The following ADGRF5 variants were observed in gnomAD, a reference collection of about 807,000 sequenced individuals.
ADGRF5 encodes the protein G-protein coupled receptor 116.
In ADGRF5, 75 loss-of-function variants were observed where a neutral mutation model predicts 132.3. That is an observed-to-expected ratio of 0.57 (90% CI 0.47 to 0.69). The LOEUF (loss-of-function observed/expected upper bound fraction) is 0.69, where lower values mean the gene tolerates loss of function less well. Among genes scored for constraint, ADGRF5 ranks in the 30% least tolerant of loss-of-function variants. ADGRF5 has a pLI of 0.00. For synonymous variants in ADGRF5, 629 were observed against 597.6 expected (o/e 1.05, Z -0.77); for missense variants, 1,516 against 1,630.6 (o/e 0.93, Z 1.21).
chr6:46,857,031 A>G (rs1581715222), intron 17 of ADGRF5, 123 bp from the exon 18 acceptor site: 1 of 748,874 alleles, frequency 1.3e-6, no homozygotes, highest in East Asian at 2.7e-5. Context: ...AGTTTATGGA[A>G]TGAGTCCAGT....
intron 19 of ADGRF5, among the ~76,000 whole-genome samples, chr6:46,856,431 A>G (rs1769055707): frequency 6.6e-6 from 1 of 152,174 alleles, no homozygotes; most frequent in Non-Finnish European, 1.5e-5. Flanking sequence ...TTTGATTTCA[A>G]CCTTAAGTTT....
At chr6:46,912,857 A>G (rs1330925668) in intron 1 of ADGRF5, among the ~76,000 whole-genome samples, 1 of 152,180 alleles carries the variant, frequency 6.6e-6, no homozygotes, top group African/African-American at 2.4e-5. Context: ...CTGATTAAAA[A>G]AAATGCAAGT....
Position 46,860,752 on chromosome 6 carries a change from G to A in ADGRF5, c.2342C>T (p.Ser781Leu), listed in dbSNP as rs1434461401. Reference protein sequence around the residue: ...GAIINILDLLSTVPTQVNSEM... With the variant: ...GAIINILDLLLTVPTQVNSEM... ...TGAATTTACTTGGGTTGGAACTGTT[G>A]AGAGCAGATCAAGGATGTTAATAAT... The change falls in exon 16 of 21, where the codon TCA (serine) becomes TTA (leucine). Residue 781 changes from serine to leucine, a missense_variant. Around this residue, in one of 2 missense-constraint regions of ADGRF5, gnomAD observed 571 missense variants for 701.2 expected, o/e 0.81. Coordinates refer to ENST00000283296, the MANE Select transcript of ADGRF5 (RefSeq NM_001098518.2). 6.2e-7 allele frequency: 1 copy of A among 1,613,804 alleles called. No homozygotes were observed. Among genetic ancestry groups the A allele is most frequent in the African/African-American group, 1.3e-5 (1 of 74,924 alleles).
At chr6:46,881,922 T>C (rs1772518093) in intron 7 of ADGRF5, 127 bp downstream of exon 7, 1 of 778,456 alleles carries the variant, frequency 1.3e-6, no homozygotes, top group Non-Finnish European at 2.3e-6. Context: ...GGTACTTTTT[T>C]CACCTCTACC....
chr6:46,866,388 A>G (rs1270857714), intron 13 of ADGRF5, among the ~76,000 whole-genome samples: 1 of 152,134 alleles, frequency 6.6e-6, no homozygotes, highest in African/African-American at 2.4e-5. Flanking sequence ...TTGTGTGTTT[A>G]GGGAGCACAG....
chr6:46,887,535 G>A (rs1313744945), intron 4 of ADGRF5, among the ~76,000 whole-genome samples: 1 of 152,168 alleles, frequency 6.6e-6, no homozygotes. Flanking sequence ...CTATGACTTC[G>A]AGTAACATAT....
rs536152673 is a variant in ADGRF5 at position 46,953,647 on chromosome 6, A to ATG, written c.-25+1085_-25+1086dup. On this transcript the variant is annotated intron_variant, in intron 1 of 20. Transcript: ENST00000265417. Reference sequence around the variant, plus strand: ...AAAAAAATTATATATATATAGATATATGTGTATATATATATATATATATAT... The same window carrying ATG: ...AAAAAAATTATATATATATAGATATATGTGTGTATATATATATATATATATAT... Among the ~76,000 whole-genome samples, 188 of 24,314 alleles carry ATG rather than the reference A, an allele frequency of 7.7e-3. 2 individuals carry two copies. Among genetic ancestry groups the ATG allele is most frequent in the African/African-American group, 0.017 (121 of 7,176 alleles). 16.0% of individuals were successfully genotyped at this position (24,314 alleles called of 152,430 possible). A position where few individuals can be genotyped will look rare whatever the true frequency, so the allele number is the denominator to read the frequency against.
chr6:46,872,161 G>C (rs1771145547), intron 10 of ADGRF5, 148 bp from the exon 11 acceptor site: 2 of 541,822 alleles, frequency 3.7e-6, no homozygotes, highest in African/African-American at 3.8e-5. Flanking sequence ...ATGGTGATTA[G>C]GTCTGCAGAC....
At chr6:46,933,196 A>T (rs899807731) in intron 1 of ADGRF5, among the ~76,000 whole-genome samples, 4 of 152,220 alleles carry the variant, frequency 2.6e-5, no homozygotes, top group Non-Finnish European at 5.9e-5. Flanking sequence ...GGGGAACTAA[A>T]TATTAACTTG....
chr6:46,938,868 C>A lies in ADGRF5; in HGVS notation c.-25+15866G>T, dbSNP rs932041905. Among the ~76,000 whole-genome samples the A allele has an allele frequency of 3.3e-5, 4 of 119,528 alleles. No individual in the cohort carries two copies. In the Admixed American group the frequency reaches 3.9e-4, roughly 12 times the overall value. The allele number at this position is 119,528 out of a possible 152,430, so 78.4% of individuals were successfully genotyped here. ...CTAGCCTTATTTTTCATTCTTTCTA[C>A]TTTTCTGATTTTTTTTTTTTTTTTA... On this transcript the variant is annotated intron_variant, in intron 1 of 20. Transcript: ENST00000265417.
In ADGRF5 at chr6:46,879,884, C is replaced by A. The variant is rs376218074; in HGVS notation, c.970G>T (p.Ala324Ser). The stretch of plus-strand genomic sequence containing the variant: ...ACCGAAGTCATGTTGTTGAAAAGTG[C>A]GGTGTAAATCGAGAATCTGCTGCTG... The part of the protein sequence containing the change: ...QNSSRFSIYT[A>S]LFNNMTSVSK... The change falls in exon 9 of 21, where the codon GCA becomes TCA. Residue 324 changes from alanine to serine, a missense_variant. By Grantham distance (99) the Ala-to-Ser change is moderately conservative. Transcript: ENST00000283296. The A allele has an allele frequency of 6.2e-7, 1 of 1,613,886 alleles. No homozygotes were observed. The highest frequency in any genetic ancestry group is 2.2e-5 in the East Asian group (1 of 44,886).
At chr6:46,870,548 C>T (rs1049013532) in intron 11 of ADGRF5, among the ~76,000 whole-genome samples, 4 of 152,124 alleles carry the variant, frequency 2.6e-5, no homozygotes, top group African/African-American at 9.7e-5. Context: ...TTCAGACAGC[C>T]CAAAGCCACT....
chr6:46,860,906 A>G lies in ADGRF5; in HGVS notation c.2200-12T>C. 6.3e-7 allele frequency: 1 copy of G among 1,576,714 alleles called. No homozygotes were observed. The highest frequency in any genetic ancestry group is 8.6e-7 in the Non-Finnish European group (1 of 1,158,300). ...CTCTTGATCAAAGCCTAGTAAAACAAAAGCCAACACAAAAAAAAATTTACC... is the reference window on the plus strand; with the variant it reads ...CTCTTGATCAAAGCCTAGTAAAACAGAAGCCAACACAAAAAAAAATTTACC... On this transcript the variant is annotated splice_polypyrimidine_tract_variant and intron_variant, in intron 15 of 20. Transcript: ENST00000283296.
upstream of ADGRF5, among the ~76,000 whole-genome samples, chr6:46,926,610 A>G (rs1217628613): frequency 6.6e-6 from 1 of 152,092 alleles, no homozygotes; most frequent in Non-Finnish European, 1.5e-5. Context: ...CACAGCCTTC[A>G]CATTCCACTT....
intron 1 of ADGRF5, among the ~76,000 whole-genome samples, chr6:46,926,997 A>G (rs1777283577): frequency 6.6e-6 from 1 of 152,132 alleles, no homozygotes; most frequent in South Asian, 2.1e-4. Context: ...CTGCAGTAAC[A>G]GCGAGGCTGA....
intron 11 of ADGRF5, chr6:46,869,301 C>T: frequency 7.1e-6 from 10 of 1,411,586 alleles, no homozygotes; most frequent in Non-Finnish European, 9.2e-6. Context: ...GTGCTCTGCA[C>T]TGTACTCATT....
At chr6:46,861,891 T>A (rs75959332) in intron 15 of ADGRF5, among the ~76,000 whole-genome samples, 1 of 152,344 alleles carries the variant, frequency 6.6e-6, no homozygotes, top group Non-Finnish European at 1.5e-5. Flanking sequence ...GGATAATTTA[T>A]ATCTCTCATG....
intron 1 of ADGRF5, among the ~76,000 whole-genome samples, chr6:46,952,017 A>G (rs1391864759): frequency 1.3e-5 from 2 of 152,082 alleles, no homozygotes; most frequent in African/African-American, 4.8e-5. Context: ...TTCTCTTTGC[A>G]CTCTGAAATC....
chr6:46,930,699 C>T (rs1777513296), intron 1 of ADGRF5, among the ~76,000 whole-genome samples: 1 of 152,214 alleles, frequency 6.6e-6, no homozygotes, highest in Non-Finnish European at 1.5e-5. Context: ...CACACCTTCT[C>T]TTCTCTCCTC....
Sources: gnomAD v4.1 joint callset for allele counts (sites outside exome capture counted in the v4.1 genomes callset) on GRCh38, gnomAD v4.1.1 for gene constraint, gnomAD v4.1.1 regional missense constraint, MANE v1.5 for transcripts, NCBI Gene and HGNC (gene_info 2026-07-23, HGNC 2026-07-21) for gene names.